SNW1: variants seen among roughly 807,000 people sequenced by gnomAD.
SNW1 encodes the protein SNW domain-containing protein 1.
In SNW1, 9 loss-of-function variants were observed where a neutral mutation model predicts 75.6. The observed-to-expected ratio is 0.12, with a 90% CI of 0.07 to 0.21. The LOEUF (loss-of-function observed/expected upper bound fraction) is 0.21. Among genes scored for constraint, SNW1 ranks in the 10% least tolerant of loss-of-function variants. The pLI is 1.00. For synonymous variants in SNW1, 200 were observed against 219.1 expected, an observed-to-expected ratio of 0.91 and a Z score of 0.77; for missense variants, 409 against 670.9, an observed-to-expected ratio of 0.61 and a Z score of 4.31.
Position 77,718,135 on chromosome 14 carries a change from G to T in SNW1, c.1564C>A (p.Arg522Ser). ...GGSKRPSDSSRPKEHEHEGKK... is the reference protein window; with the variant it reads ...GGSKRPSDSSSPKEHEHEGKK... ...CCTTCATGCTCGTGTTCCTTGGGGC[G>T]GCTGCTATCTGAGGGTCTTTTAGAG... The change falls in exon 14 of 14, where the codon CGC becomes AGC. Residue 522 changes from arginine (R) to serine (S), a missense_variant. Arg to Ser is a moderately radical substitution (Grantham distance 110, BLOSUM62 -1). Coordinates refer to ENST00000261531, the MANE Select transcript of SNW1 (RefSeq NM_012245.3). The T allele has an allele frequency of 6.2e-7, 1 of 1,609,962 alleles. No individual in the cohort carries two copies. The highest frequency in any genetic ancestry group is 8.5e-7 in the Non-Finnish European group (1 of 1,178,318).
chr14:77,759,107 A>AC (rs1425030064), intron 1 of SNW1, among the ~76,000 whole-genome samples: 1 of 152,212 alleles, frequency 6.6e-6, no homozygotes, highest in Non-Finnish European at 1.5e-5. Flanking sequence ...AAAGGATATT[A>AC]CAAAGAATAC....
At chr14:77,722,806 C>T (rs1013003972) in intron 11 of SNW1, 11 of 397,748 alleles carry the variant, frequency 2.8e-5, no homozygotes, top group South Asian at 2.0e-4. Flanking sequence ...CTAAAAGGTA[C>T]AAAAAGGCCA....
chr14:77,730,812 C>G (rs1415921306), intron 10 of SNW1, 176 bp downstream of exon 10: 5 of 621,928 alleles, frequency 8.0e-6, no homozygotes, highest in Non-Finnish European at 1.3e-5. Flanking sequence ...TTTTTCTTAT[C>G]TCCTGTTGCT....
intron 11 of SNW1, 182 bp downstream of exon 11, chr14:77,722,999 G>A (rs1044482385): frequency 2.8e-5 from 16 of 563,128 alleles, no homozygotes; most frequent in Admixed American, 1.4e-4. Flanking sequence ...CGCCTGCCAC[G>A]ACCATGCCCG....
chr14:77,755,915 T>C (rs1204660118), intron 1 of SNW1, among the ~76,000 whole-genome samples: 1 of 151,614 alleles, frequency 6.6e-6, no homozygotes, highest in Non-Finnish European at 1.5e-5. Flanking sequence ...ATTTTTGTAT[T>C]TTTAGTAGAG....
At chr14:77,745,891 G>A (rs564023895) in intron 3 of SNW1, among the ~76,000 whole-genome samples, 5 of 152,184 alleles carry the variant, frequency 3.3e-5, no homozygotes, top group Admixed American at 1.3e-4. Flanking sequence ...GGGCATGGTG[G>A]TGTGCACCTG....
chr14:77,753,803 A>T (rs2139932757), intron 2 of SNW1, among the ~76,000 whole-genome samples: 1 of 151,782 alleles, frequency 6.6e-6, no homozygotes, highest in Non-Finnish European at 1.5e-5. Context: ...AATACAAAAA[A>T]TTAGCTGGAT....
Position 77,732,533 on chromosome 14 carries a change from A to G in SNW1, c.843T>C (p.Asn281=). ...CTTCTGCCAATTTGGCGAAATTTTC[A>G]TTTATGTGTACTGTCTGTAGTCCTC... The part of the protein sequence containing the change: ...DGRGLQTVHI[N]ENFAKLAEAL... Residue 281 remains asparagine, a synonymous_variant, in exon 9 of 14, where the codon AAT becomes AAC. Coordinates refer to ENST00000261531, the MANE Select transcript of SNW1 (RefSeq NM_012245.3). The G allele has an allele frequency of 6.2e-7, 1 of 1,613,536 alleles. No individual in the cohort carries two copies. Among genetic ancestry groups the G allele is most frequent in the South Asian group, 1.1e-5 (1 of 91,074 alleles).
rs11335114 is a variant in SNW1, at chr14:77,744,135, CAA to C, written c.331-5076_331-5075del. Among the ~76,000 whole-genome samples, 701 of 121,722 alleles carry C rather than the reference CAA, an allele frequency of 5.8e-3. 3 individuals are homozygous for C. Among genetic ancestry groups the C allele is most frequent in the East Asian group, 0.032 (137 of 4,262 alleles). The allele number at this position is 121,722 out of a possible 152,430, so 79.9% of individuals were successfully genotyped here. A position where few individuals can be genotyped will look rare whatever the true frequency, so the allele number is the denominator to read the frequency against. On this transcript the variant is annotated intron_variant, in intron 3 of 13. Transcript: ENST00000261531. ...TGGGTGACAGAGTGAGACTCCATCT[CAA>C]AAAAAAAAAAAAAGAAAAAAAGAAA...
intron 5 of SNW1, among the ~76,000 whole-genome samples, chr14:77,737,664 C>G (rs2080683710): frequency 1.3e-5 from 2 of 152,106 alleles, no homozygotes; most frequent in African/African-American, 4.8e-5. Flanking sequence ...CCACAAGTAA[C>G]TGTTAATTTC....
intron 10 of SNW1, among the ~76,000 whole-genome samples, chr14:77,726,450 T>C (rs1025328141): frequency 8.5e-5 from 13 of 152,178 alleles, no homozygotes; most frequent in African/African-American, 3.1e-4. Context: ...TGAGCCACCA[T>C]GCCCAGCCTC....
intron 8 of SNW1, chr14:77,734,082 G>C (rs2080650501): frequency 4.6e-6 from 1 of 216,952 alleles, no homozygotes; most frequent in Non-Finnish European, 9.8e-6. Context: ...ACCTGAAATG[G>C]TCTTCTTTAT....
intron 1 of SNW1, among the ~76,000 whole-genome samples, chr14:77,760,454 C>G (rs1566839319): frequency 6.6e-6 from 1 of 152,188 alleles, no homozygotes; most frequent in Non-Finnish European, 1.5e-5. Flanking sequence ...CACTGAAAAG[C>G]ATCTTTTTCT....
intron 3 of SNW1, among the ~76,000 whole-genome samples, chr14:77,741,729 T>C (rs1332354792): frequency 6.6e-6 from 1 of 151,668 alleles, no homozygotes; most frequent in African/African-American, 2.4e-5. Context: ...CTGAAAATTA[T>C]ATAACAACAC....
At chr14:77,727,869 G>C (rs2139899582) in intron 10 of SNW1, among the ~76,000 whole-genome samples, 1 of 152,130 alleles carries the variant, frequency 6.6e-6, no homozygotes, top group East Asian at 1.9e-4. Context: ...TTGTATATTT[G>C]TCTAGTTTTG....
At chr14:77,740,665 G>C (rs959507733) in intron 3 of SNW1, among the ~76,000 whole-genome samples, 5 of 151,960 alleles carry the variant, frequency 3.3e-5, no homozygotes, top group Admixed American at 3.3e-4. Context: ...CTCCATTATC[G>C]AGGCTTCTTC....
chr14:77,745,977 T>C (rs1167327372), intron 3 of SNW1, among the ~76,000 whole-genome samples: 2 of 151,908 alleles, frequency 1.3e-5, no homozygotes, highest in African/African-American at 4.8e-5. Context: ...CGAGTCGTTA[T>C]TGTGCCACTG....
intron 3 of SNW1, among the ~76,000 whole-genome samples, chr14:77,745,194 G>A (rs926981528): frequency 6.6e-6 from 1 of 152,124 alleles, no homozygotes; most frequent in African/African-American, 2.4e-5. Flanking sequence ...GAGTAGAGAA[G>A]AGGGACACTC....
At chr14:77,746,601 T>C (rs966306850) in intron 3 of SNW1, among the ~76,000 whole-genome samples, 31 of 152,322 alleles carry the variant, frequency 2.0e-4, no homozygotes, top group African/African-American at 7.5e-4. Flanking sequence ...GATGTTTGTA[T>C]GTGGATCTTG....
Sources: allele counts gnomAD v4.1 joint callset (sites outside exome capture counted in the v4.1 genomes callset), GRCh38; gene constraint gnomAD v4.1.1; transcripts MANE v1.5; gene names NCBI Gene and HGNC (gene_info 2026-07-23, HGNC 2026-07-21).